Variants in HHIPL1 observed in about 807,000 individuals in gnomAD.
The protein encoded by HHIPL1 is HHIP like 1.
HHIPL1 carries 43 observed loss-of-function variants against 61.8 expected under a neutral mutation model. The observed-to-expected ratio is 0.70, with a 90% confidence interval of 0.55 to 0.90. The LOEUF is 0.90. HHIPL1 is among the 40% of genes least tolerant of loss of function. The pLI is 0.00. For missense variants in HHIPL1, 1,056 were observed against 1,157.7 expected (o/e 0.91, Z 1.28); for synonymous variants, 482 against 515.8 (o/e 0.93, Z 0.89).
At chr14:99,622,555 A>G in the HHIPL1 span, among the ~76,000 whole-genome samples, 2 of 152,162 alleles carry the variant, frequency 1.3e-5, no homozygotes, top group Non-Finnish European at 2.9e-5. Flanking sequence ...ACATAGCTTT[A>G]TGAAATTTTT....
At chr14:99,673,216 A>G (rs2140095604) in intron 8 of HHIPL1, among the ~76,000 whole-genome samples, 1 of 151,666 alleles carries the variant, frequency 6.6e-6, no homozygotes, top group Non-Finnish European at 1.5e-5. Flanking sequence ...CTGAAGAGGT[A>G]CCCGGGTAGA....
chr14:99,633,262 G>A, the HHIPL1 span, among the ~76,000 whole-genome samples: 1 of 152,212 alleles, frequency 6.6e-6, no homozygotes, highest in East Asian at 1.9e-4. Context: ...GTCACCCCCA[G>A]GGGAGGGTGC....
chr14:99,658,446 C>T (rs912549068), intron 3 of HHIPL1, among the ~76,000 whole-genome samples: 7 of 151,988 alleles, frequency 4.6e-5, no homozygotes, highest in South Asian at 2.1e-4. Context: ...GTTTCATCAC[C>T]GTGAAAGAGG....
chr14:99,635,312 G>T, the HHIPL1 span, among the ~76,000 whole-genome samples: 1 of 152,328 alleles, frequency 6.6e-6, no homozygotes, highest in Admixed American at 6.5e-5. Flanking sequence ...AGTTTGGACA[G>T]GTGGGGTGCT....
At chr14:99,619,892 A>G in the HHIPL1 span, among the ~76,000 whole-genome samples, 1 of 152,188 alleles carries the variant, frequency 6.6e-6, no homozygotes, top group Non-Finnish European at 1.5e-5. Context: ...AGTTCCCAGA[A>G]GTGGGATTCC....
At chr14:99,611,240 C>T in the HHIPL1 span, among the ~76,000 whole-genome samples, 3 of 152,044 alleles carry the variant, frequency 2.0e-5, no homozygotes, top group African/African-American at 7.2e-5. Context: ...CTCAAGTGAT[C>T]CTCCTGCCTC....
At chr14:99,673,236 G>A (rs918509878) in intron 8 of HHIPL1, among the ~76,000 whole-genome samples, 12 of 151,974 alleles carry the variant, frequency 7.9e-5, no homozygotes, top group Non-Finnish European at 1.8e-4. Context: ...AGGGGGAAGG[G>A]TCTGAGCTCA....
the HHIPL1 span, among the ~76,000 whole-genome samples, chr14:99,631,776 C>G: frequency 6.6e-6 from 1 of 152,106 alleles, no homozygotes; most frequent in African/African-American, 2.4e-5. Context: ...GCCACCATGC[C>G]CAGCCTTCAA....
the HHIPL1 span, among the ~76,000 whole-genome samples, chr14:99,629,837 T>C: frequency 5.9e-5 from 9 of 152,202 alleles, no homozygotes; most frequent in Non-Finnish European, 1.2e-4. Flanking sequence ...AAGTATTGTC[T>C]ATACTTAAAA....
At position 99,656,593 on chromosome 14, in the gene HHIPL1, T is replaced by C. The variant is rs185443478; in HGVS notation, c.903-407T>C. Among the ~76,000 whole-genome samples, 497 of 151,892 alleles carry C rather than the reference T, an allele frequency of 3.3e-3. 2 individuals are homozygous for C. Among genetic ancestry groups the C allele is most frequent in the African/African-American group, 0.011 (468 of 41,384 alleles). ...GAGGTTGAGACCAACCTGGCCAACA[T>C]GGTGAAACCCCATCTCTACTAAAAA... On this transcript the variant is annotated intron_variant, in intron 2 of 8. Transcript: ENST00000330710.
Position 99,660,482 on chromosome 14 carries a change from T to C in HHIPL1, c.1502+76T>C. The C allele has an allele frequency of 6.6e-7, 1 of 1,526,048 alleles. No individual in the cohort carries two copies. Among genetic ancestry groups the C allele is most frequent in the Non-Finnish European group, 8.9e-7 (1 of 1,121,372 alleles). The allele number at this position is 1,526,048 out of a possible 1,614,324, so 94.5% of individuals were successfully genotyped here. A position where few individuals can be genotyped will look rare whatever the true frequency, so the allele number is the denominator to read the frequency against. On this transcript the variant is annotated intron_variant, in intron 5 of 8. Coordinates refer to ENST00000330710, the MANE Select transcript of HHIPL1 (RefSeq NM_001127258.3). The surrounding 1 kb of genome is among the most constrained non-coding windows in gnomAD (Gnocchi z 4.9). ...GGACTGGCTCCTTGGTAAAGGGGAG[T>C]GTATGTGTGCGCCCGTTCCTGCACA...
At chr14:99,620,316 A>G in the HHIPL1 span, among the ~76,000 whole-genome samples, 10 of 152,334 alleles carry the variant, frequency 6.6e-5, no homozygotes, top group South Asian at 1.9e-3. Context: ...GCCCTTCCAG[A>G]CAACGAAGGG....
At chr14:99,652,906 C>A in intron 2 of HHIPL1, 36 bp downstream of exon 2, 1 of 1,591,796 alleles carries the variant, frequency 6.3e-7, no homozygotes. Context: ...TGGGTGGGGG[C>A]AGGCACCCAT....
chr14:99,668,772 A>G lies in HHIPL1; in HGVS notation c.1730+469A>G. On this transcript the variant is annotated intron_variant, in intron 7 of 8. Coordinates refer to ENST00000330710, the MANE Select transcript of HHIPL1 (RefSeq NM_001127258.3). This position sits in a 1 kb window ranked among gnomAD's most constrained non-coding sequence, Gnocchi z 4.7. ...CCCTTCCTCCTGTGGTCCATCTTCC[A>G]CTGGGGAAAACACATTGGGGCTCCC... is the stretch of plus-strand genomic sequence containing the variant. The G allele has an allele frequency of 6.3e-7, 1 of 1,594,950 alleles. No homozygotes were observed.
chr14:99,669,000 C>A lies in HHIPL1; in HGVS notation c.1730+697C>A. On this transcript the variant is annotated intron_variant, in intron 7 of 8. Transcript: ENST00000330710. This position sits in a 1 kb window ranked among gnomAD's most constrained non-coding sequence, Gnocchi z 4.7. ...GGCCCAGGCCACTGGCTCCAGAGCC[C>A]TGCCCTAACCCCTTGGCTGTGTGCC... 1 of 1,546,076 alleles carries A rather than the reference C, an allele frequency of 6.5e-7. No homozygotes were observed. The highest frequency in any genetic ancestry group is 8.7e-7 in the Non-Finnish European group (1 of 1,148,266).
chr14:99,633,559 C>A, the HHIPL1 span, among the ~76,000 whole-genome samples: 4 of 152,212 alleles, frequency 2.6e-5, no homozygotes, highest in Admixed American at 1.3e-4. Flanking sequence ...GATGAGGGTG[C>A]AAATCACAAT....
intron 1 of HHIPL1, among the ~76,000 whole-genome samples, chr14:99,645,965 C>T (rs1426938336): frequency 6.6e-6 from 1 of 152,238 alleles, no homozygotes; most frequent in Non-Finnish European, 1.5e-5. Context: ...CACTGTCCCC[C>T]ACGAGCGTCT....
the HHIPL1 span, among the ~76,000 whole-genome samples, chr14:99,626,267 G>GGTGTGTGTGTGTGTGTGTGT: frequency 7.3e-4 from 108 of 147,570 alleles, no homozygotes; most frequent in African/African-American, 2.6e-3. Flanking sequence ...GGTGTAGCGG[G>GGTGTGTGTGTGTGTGTGTGT]GTGTGTGTGT....
the HHIPL1 span, among the ~76,000 whole-genome samples, chr14:99,621,152 G>A: frequency 6.6e-6 from 1 of 151,656 alleles, no homozygotes; most frequent in Non-Finnish European, 1.5e-5. Context: ...AGACTGGAGT[G>A]CAGTGGTGCA....
Sources: gnomAD v4.1 joint callset for allele counts (sites outside exome capture counted in the v4.1 genomes callset) on GRCh38, gnomAD v4.1.1 for gene constraint, Gnocchi (gnomAD v3.1) non-coding constraint, MANE v1.5 for transcripts, NCBI Gene and HGNC (gene_info 2026-07-23, HGNC 2026-07-21) for gene names.